Variants in PDE4D observed in about 807,000 individuals in gnomAD.
The protein encoded by PDE4D is 3',5'-cyclic-AMP phosphodiesterase 4D.
Under a neutral mutation model 87.4 loss-of-function variants are expected in PDE4D, and 24 were observed. The ratio of observed to expected loss-of-function variants is 0.27; its 90% CI spans 0.20 to 0.39. The LOEUF (loss-of-function observed/expected upper bound fraction) is 0.39, where lower values mean the gene tolerates loss of function less well. PDE4D is among the 10% of genes least tolerant of loss of function. The pLI, the probability that PDE4D is intolerant of heterozygous loss-of-function variation, is 1.00. For missense variants in PDE4D, 714 were observed against 1,041.0 expected, an observed-to-expected ratio of 0.69 and a Z score of 4.32; for synonymous variants, 384 against 383.2, an observed-to-expected ratio of 1.00 and a Z score of -0.02.
At chr5:59,755,021 G>C (rs1399678863) in intron 1 of PDE4D, among the ~76,000 whole-genome samples, 1 of 152,056 alleles carries the variant, frequency 6.6e-6, no homozygotes, top group Non-Finnish European at 1.5e-5. Flanking sequence ...CAGTGGTTCA[G>C]GTTGGTATAT....
At chr5:60,109,286 G>A (rs371231052) in intron 2 of PDE4D, among the ~76,000 whole-genome samples, 31 of 152,106 alleles carry the variant, frequency 2.0e-4, no homozygotes, top group South Asian at 4.2e-4. Flanking sequence ...GCCATCAGAG[G>A]AATGCAAATC....
chr5:60,299,343 ATT>A (rs554798272), intron 1 of PDE4D, among the ~76,000 whole-genome samples: 11 of 152,218 alleles, frequency 7.2e-5, no homozygotes, highest in Non-Finnish European at 1.6e-4. Context: ...TTCACTTCCA[ATT>A]GACTGGCTCA....
At chr5:60,008,857 G>A (rs541867663) in intron 2 of PDE4D, among the ~76,000 whole-genome samples, 1 of 151,910 alleles carries the variant, frequency 6.6e-6, no homozygotes, top group Admixed American at 6.6e-5. Flanking sequence ...TTTCATTTTA[G>A]TATTTTGTCT....
At chr5:59,651,758 AAGAT>A (rs1321336319) in intron 1 of PDE4D, among the ~76,000 whole-genome samples, 5 of 152,204 alleles carry the variant, frequency 3.3e-5, no homozygotes, top group African/African-American at 1.2e-4. Context: ...GAAAGAAAAA[AAGAT>A]AGAATAAAAG....
chr5:60,174,159 G>A (rs1459900697), intron 2 of PDE4D, among the ~76,000 whole-genome samples: 1 of 152,046 alleles, frequency 6.6e-6, no homozygotes, highest in African/African-American at 2.4e-5. Context: ...TGGAAATTGA[G>A]AGATAATCAA....
rs1761919072 is a variant in PDE4D, at chr5:59,261,059, T to C, written c.456-45091A>G. 2.0e-5 allele frequency among the ~76,000 whole-genome samples: 3 copies of C among 151,874 alleles called. No individual in the cohort carries two copies. In the South Asian group the frequency reaches 6.2e-4, roughly 31 times the overall value. On this transcript the variant is annotated intron_variant, in intron 1 of 14. Coordinates refer to ENST00000340635, the MANE Select transcript of PDE4D (RefSeq NM_001104631.2). ...CACACAAATGGTATAGTAGTCCAGATGTATGACTGGCAGTCATAGAATAAT... is the reference window on the plus strand; with the variant it reads ...CACACAAATGGTATAGTAGTCCAGACGTATGACTGGCAGTCATAGAATAAT...
At chr5:59,582,031 A>C (rs562896328) in intron 1 of PDE4D, among the ~76,000 whole-genome samples, 7 of 152,222 alleles carry the variant, frequency 4.6e-5, no homozygotes, top group African/African-American at 1.7e-4. Flanking sequence ...TTTACAAGTA[A>C]ATTGTATTTG....
intron 1 of PDE4D, among the ~76,000 whole-genome samples, chr5:59,367,099 G>A (rs1200766634): frequency 1.3e-5 from 2 of 152,140 alleles, no homozygotes; most frequent in African/African-American, 2.4e-5. Context: ...TCAGACTATC[G>A]ACTCCTCAAG....
chr5:60,465,409 A>G (rs1747274099), intron 1 of PDE4D, among the ~76,000 whole-genome samples: 1 of 152,214 alleles, frequency 6.6e-6, no homozygotes, highest in Admixed American at 6.5e-5. Context: ...CACTTGTATA[A>G]GCATAAATTT....
intron 2 of PDE4D, among the ~76,000 whole-genome samples, chr5:60,174,631 G>A (rs1356362622): frequency 1.3e-5 from 2 of 152,096 alleles, no homozygotes; most frequent in African/African-American, 4.8e-5. Context: ...AAAAAGTTCA[G>A]TCAGAAAAAT....
chr5:59,046,306 G>A (rs916403363), intron 5 of PDE4D, among the ~76,000 whole-genome samples: 5 of 151,992 alleles, frequency 3.3e-5, no homozygotes, highest in African/African-American at 4.8e-5. Flanking sequence ...ATGAGAGAGC[G>A]AGAGAATGTG....
chr5:60,118,642 A>G (rs1055371630), intron 2 of PDE4D, among the ~76,000 whole-genome samples: 2 of 151,418 alleles, frequency 1.3e-5, no homozygotes, highest in African/African-American at 4.9e-5. Flanking sequence ...ATGTGGGCTC[A>G]AATGGCCATT....
chr5:59,985,835 C>T (rs1240791064), intron 3 of PDE4D, among the ~76,000 whole-genome samples: 1 of 152,110 alleles, frequency 6.6e-6, no homozygotes, highest in Non-Finnish European at 1.5e-5. Context: ...AAAAGTCAGC[C>T]CATCTGTATA....
chr5:59,906,129 T>C (rs538007525), intron 3 of PDE4D, among the ~76,000 whole-genome samples: 1 of 152,156 alleles, frequency 6.6e-6, no homozygotes, highest in Non-Finnish European at 1.5e-5. Flanking sequence ...AAGAAGGTAT[T>C]GTTATTCCTA....
At chr5:59,698,064 C>T (rs1434428587) in intron 1 of PDE4D, among the ~76,000 whole-genome samples, 4 of 152,172 alleles carry the variant, frequency 2.6e-5, no homozygotes, top group Non-Finnish European at 4.4e-5. Flanking sequence ...TTTAATATGG[C>T]AAATGTTACA....
intron 3 of PDE4D, among the ~76,000 whole-genome samples, chr5:59,923,780 G>C (rs1754949399): frequency 6.6e-6 from 1 of 152,164 alleles, no homozygotes; most frequent in Non-Finnish European, 1.5e-5. Flanking sequence ...ACAAGCCCAG[G>C]CTGCAAAGAC....
chr5:59,890,982 C>G (rs1350102814), intron 1 of PDE4D, among the ~76,000 whole-genome samples: 1 of 152,114 alleles, frequency 6.6e-6, no homozygotes, highest in East Asian at 1.9e-4. Context: ...AAAAGCAACT[C>G]TATTAAGGAA....
intron 1 of PDE4D, among the ~76,000 whole-genome samples, chr5:60,479,410 C>G (rs992850925): frequency 2.0e-5 from 3 of 152,188 alleles, no homozygotes; most frequent in African/African-American, 7.2e-5. Context: ...CAATGTGCTA[C>G]TGAGGGCTGT....
intron 1 of PDE4D, among the ~76,000 whole-genome samples, chr5:59,349,313 G>A (rs1035766614): frequency 3.3e-5 from 5 of 152,092 alleles, no homozygotes; most frequent in African/African-American, 9.7e-5. Flanking sequence ...GAGAGCCAAG[G>A]TAGAAGGTGG....
Sources: allele counts gnomAD v4.1 joint callset (sites outside exome capture counted in the v4.1 genomes callset), GRCh38; gene constraint gnomAD v4.1.1; transcripts MANE v1.5; gene names NCBI Gene and HGNC (gene_info 2026-07-23, HGNC 2026-07-21).